Variants in CACNA1B observed in about 807,000 individuals in gnomAD.
CACNA1B encodes the protein calcium voltage-gated channel subunit alpha1 B, also known as voltage-dependent N-type calcium channel subunit alpha-1B.
Under a neutral mutation model 247.2 loss-of-function variants are expected in CACNA1B, and 70 were observed. The ratio of observed to expected loss-of-function variants is 0.28; its 90% CI spans 0.23 to 0.35. The LOEUF is 0.35. CACNA1B is among the 10% of genes least tolerant of loss of function. The probability of loss-of-function intolerance (pLI) is 1.00; values close to 1 mark genes in which losing one functional copy is unlikely to be tolerated. For synonymous variants in CACNA1B, 1,231 were observed against 1,294.4 expected (o/e 0.95, Z 1.05); for missense variants, 2,367 against 3,197.4 (o/e 0.74, Z 6.26).
rs530699625 is a variant in CACNA1B at position 137,973,802 on chromosome 9, C to T, written c.1544-2105C>T. On this transcript the variant is annotated intron_variant, in intron 11 of 46. Coordinates refer to ENST00000371372, the MANE Select transcript of CACNA1B (RefSeq NM_000718.4). The surrounding 1 kb of genome is among the most constrained non-coding windows in gnomAD (Gnocchi z 4.1). ...GCTGAGTATGTGAGGCTGAGGGCCT[C>T]TGTTCCTAGGGAGAGTGAGAGGGCA... Among the ~76,000 whole-genome samples, 116 of 152,312 alleles carry T rather than the reference C, an allele frequency of 7.6e-4. No individual in the cohort carries two copies. The highest frequency in any genetic ancestry group is 3.4e-3 in the Middle Eastern group (1 of 294).
chr9:138,096,573 G>T lies in CACNA1B; in HGVS notation c.5184G>T (p.Glu1728Asp). The change falls in exon 37 of 47, where the codon GAG becomes GAT. Residue 1728 changes from glutamate to aspartate, a missense_variant. By Grantham distance (45) the Glu-to-Asp change is conservative. Around this residue, in one of 12 missense-constraint regions of CACNA1B, gnomAD observed 55 missense variants for 107.8 expected, o/e 0.51. Coordinates refer to ENST00000371372, the MANE Select transcript of CACNA1B (RefSeq NM_000718.4). The part of the protein sequence containing the change: ...SSILGPHHLD[E>D]FIRVWAEYDP... ...TCCTAGGTCCTCACCACTTGGATGA[G>T]TTCATCCGGGTCTGGGCTGAATACG... 6.2e-7 allele frequency: 1 copy of T among 1,613,134 alleles called. No homozygotes were observed. Among genetic ancestry groups the T allele is most frequent in the Non-Finnish European group, 8.5e-7 (1 of 1,179,516 alleles).
intron 3 of CACNA1B, among the ~76,000 whole-genome samples, chr9:137,911,481 T>C (rs1246681027): frequency 1.3e-5 from 2 of 152,242 alleles, no homozygotes; most frequent in African/African-American, 4.8e-5. Context: ...AATGGCGCAA[T>C]CTCGGCTCAC....
In CACNA1B at chr9:138,059,607, A is replaced by G; in HGVS notation, c.4585-47A>G. 1 of 1,091,124 alleles carries G rather than the reference A, an allele frequency of 9.2e-7. No individual in the cohort carries two copies. 67.6% of individuals were successfully genotyped at this position (1,091,124 alleles called of 1,614,324 possible). On this transcript the variant is annotated intron_variant, in intron 30 of 46. Coordinates refer to ENST00000371372, the MANE Select transcript of CACNA1B (RefSeq NM_000718.4). This position sits in a 1 kb window ranked among gnomAD's most constrained non-coding sequence, Gnocchi z 4.2. ...CACCTATATATACCTCTTTGCCAAC[A>G]GAGCCCTCATCAGCCGCTGGCACTA...
chr9:138,122,393 A>G lies in CACNA1B; in HGVS notation c.*394A>G, dbSNP rs200367585. 24 of 209,380 alleles carry G rather than the reference A, an allele frequency of 1.1e-4. No homozygotes were observed. The highest frequency in any genetic ancestry group is 2.1e-4 in the Admixed American group (4 of 19,082). The allele number at this position is 209,380 out of a possible 1,614,324, so 13.0% of individuals were successfully genotyped here. A position where few individuals can be genotyped will look rare whatever the true frequency, so the allele number is the denominator to read the frequency against. On this transcript the variant is annotated 3_prime_UTR_variant, in exon 47 of 47. Transcript: ENST00000371372. ...AGCACCCTTCACGTGGCCGTGCGGC[A>G]CAGAGAAGCAGGGCCCACCTGAAAG...
rs551666922 is a variant in CACNA1B, at chr9:138,112,328, C to T, written c.5429-70C>T. On this transcript the variant is annotated intron_variant, in intron 39 of 46. Coordinates refer to ENST00000371372, the MANE Select transcript of CACNA1B (RefSeq NM_000718.4). ...TCTCCCCACCTGCACCAGCTCTGCC[C>T]CATTGGCGGCTGCAGGGCTGCTCCT... The T allele has an allele frequency of 3.7e-5, 39 of 1,065,844 alleles. No individual in the cohort carries two copies. In the South Asian group the frequency reaches 4.7e-4, roughly 13 times the overall value. 66.0% of individuals were successfully genotyped at this position (1,065,844 alleles called of 1,614,324 possible).
At chr9:137,925,613 T>G (rs1488264027) in intron 6 of CACNA1B, among the ~76,000 whole-genome samples, 2 of 152,252 alleles carry the variant, frequency 1.3e-5, no homozygotes, top group Non-Finnish European at 2.9e-5. Context: ...GGAGATTTTT[T>G]TGTAGATTCC....
chr9:138,027,086 A>G (rs748115594), intron 20 of CACNA1B, among the ~76,000 whole-genome samples: 1 of 152,174 alleles, frequency 6.6e-6, no homozygotes, highest in Non-Finnish European at 1.5e-5. Context: ...TTCCTATTCA[A>G]ATCTTTTACC....
At position 138,093,491 on chromosome 9, in the gene CACNA1B, A is replaced by G. The variant is rs150825106; in HGVS notation, c.5095-2993A>G. On this transcript the variant is annotated intron_variant, in intron 36 of 46. Transcript: ENST00000371372. ...TGCAGTAGCTCAGGCCTGTAATCCC[A>G]GCACTTTGGGAGTCCAAGGCAGGCA... Among the ~76,000 whole-genome samples the G allele has an allele frequency of 2.8e-4, 43 of 151,990 alleles. No homozygotes were observed. In the East Asian group the frequency reaches 8.3e-3, roughly 29 times the overall value.
rs1181889156 is a variant in CACNA1B at position 137,913,367 on chromosome 9, G to C, written c.622+96G>C. 4.1e-6 allele frequency: 4 copies of C among 971,868 alleles called. No individual in the cohort carries two copies. The African/African-American group carries it at 6.5e-5, about 16-fold the overall frequency. 60.2% of individuals were successfully genotyped at this position (971,868 alleles called of 1,614,324 possible). ...TGGCCATGGCCATGGTTTGGCTTTG[G>C]TGACTCTGAGCTTGCCACTTTTGAC... On this transcript the variant is annotated intron_variant, in intron 4 of 46. Coordinates refer to ENST00000371372, the MANE Select transcript of CACNA1B (RefSeq NM_000718.4). The surrounding 1 kb of genome is among the most constrained non-coding windows in gnomAD (Gnocchi z 5.2).
At chr9:137,932,839 CTG>C (rs1471087125) in intron 6 of CACNA1B, among the ~76,000 whole-genome samples, 5 of 152,188 alleles carry the variant, frequency 3.3e-5, no homozygotes, top group Non-Finnish European at 7.3e-5. Context: ...GTTTGGGTAA[CTG>C]TATAGCTTAC....
intron 42 of CACNA1B, among the ~76,000 whole-genome samples, chr9:138,117,193 G>A (rs1336989645): frequency 2.0e-5 from 3 of 152,214 alleles, no homozygotes; most frequent in Non-Finnish European, 4.4e-5. Flanking sequence ...GGGCTGTTGG[G>A]GCAGGCGTAT....
At chr9:137,988,912 G>A (rs1299193923) in intron 15 of CACNA1B, among the ~76,000 whole-genome samples, 1 of 152,164 alleles carries the variant, frequency 6.6e-6, no homozygotes, top group Non-Finnish European at 1.5e-5. Flanking sequence ...TCTGGACCAG[G>A]GTCCTGAGAT....
chr9:137,997,975 G>T (rs149599861), intron 15 of CACNA1B, among the ~76,000 whole-genome samples: 7 of 152,160 alleles, frequency 4.6e-5, no homozygotes, highest in Non-Finnish European at 8.8e-5. Flanking sequence ...TATTTATAGC[G>T]TATGATACTA....
intron 32 of CACNA1B, among the ~76,000 whole-genome samples, chr9:138,070,825 A>G (rs900430200): frequency 1.3e-5 from 2 of 152,190 alleles, no homozygotes; most frequent in African/African-American, 2.4e-5. Flanking sequence ...ACTCATGCAC[A>G]TGCATGTCTC....
intron 36 of CACNA1B, among the ~76,000 whole-genome samples, chr9:138,088,804 A>T (rs974228069): frequency 1.3e-5 from 2 of 151,486 alleles, no homozygotes; most frequent in Non-Finnish European, 2.9e-5. Context: ...ATACAAAAAA[A>T]AAAAATTAGC....
At chr9:138,027,590 TTGTGTGTG>T (rs745510864) in intron 20 of CACNA1B, among the ~76,000 whole-genome samples, 2 of 152,008 alleles carry the variant, frequency 1.3e-5, no homozygotes, top group Non-Finnish European at 2.9e-5. Flanking sequence ...GTGTGTCTGT[TTGTGTGTG>T]TGTAAAATTA....
chr9:138,025,862 A>G (rs1005764333), intron 20 of CACNA1B, among the ~76,000 whole-genome samples: 7 of 152,186 alleles, frequency 4.6e-5, no homozygotes, highest in Non-Finnish European at 1.0e-4. Context: ...TGGGCGTTTC[A>G]TGGGCATCAA....
At chr9:138,074,129 A>G in intron 34 of CACNA1B, 63 bp downstream of exon 34, 2 of 1,106,490 alleles carry the variant, frequency 1.8e-6, no homozygotes, top group Non-Finnish European at 2.8e-6. Flanking sequence ...GCAGAGGGGC[A>G]CTGATCATGA....
chr9:138,074,148 T>C, intron 34 of CACNA1B, 82 bp downstream of exon 34: 1 of 978,322 alleles, frequency 1.0e-6, no homozygotes, highest in Non-Finnish European at 1.6e-6. Flanking sequence ...GATTGTCAAA[T>C]CATCGTCATA....
Sources: allele counts gnomAD v4.1 joint callset (sites outside exome capture counted in the v4.1 genomes callset), GRCh38; gene constraint gnomAD v4.1.1; regional missense constraint gnomAD v4.1.1; non-coding constraint Gnocchi (gnomAD v3.1); transcripts MANE v1.5; gene names NCBI Gene and HGNC (gene_info 2026-07-23, HGNC 2026-07-21).